The following ABHD2 variants were observed in gnomAD, a reference collection of about 807,000 sequenced individuals.
The protein encoded by ABHD2 is abhydrolase domain containing 2, acylglycerol lipase, also known as monoacylglycerol lipase ABHD2.
Under a neutral mutation model 48.1 loss-of-function variants are expected in ABHD2, and 20 were observed. The ratio of observed to expected loss-of-function variants is 0.42; its 90% CI spans 0.29 to 0.60. The LOEUF is 0.60. Ranked by LOEUF, ABHD2 falls within the 20% of genes least tolerant of loss-of-function variation. The pLI is 0.24. For missense variants in ABHD2, 405 were observed against 550.9 expected, an observed-to-expected ratio of 0.74 and a Z score of 2.65; for synonymous variants, 209 against 214.2, an observed-to-expected ratio of 0.98 and a Z score of 0.21.
In ABHD2 at chr15:89,196,667, A is replaced by C. The variant is rs2051408426; in HGVS notation, c.*1244A>C. The C allele has an allele frequency of 3.3e-5, 5 of 152,196 alleles. No individual in the cohort carries two copies. The South Asian group carries it at 1.0e-3, about 32-fold the overall frequency. 9.4% of individuals were successfully genotyped at this position (152,196 alleles called of 1,614,324 possible). ...TAGTTTTTAAACCCAAGTCCCTCTA[A>C]CTTTGCCTTTGATACCAAACAATTC... On this transcript the variant is annotated 3_prime_UTR_variant, in exon 11 of 11. Transcript: ENST00000352732.
intron 5 of ABHD2, among the ~76,000 whole-genome samples, chr15:89,171,346 G>C (rs1024313313): frequency 6.6e-6 from 1 of 152,132 alleles, no homozygotes; most frequent in Non-Finnish European, 1.5e-5. Flanking sequence ...CCAAGAATGT[G>C]CATTTGAACC....
chr15:89,052,509 G>A, the ABHD2 span, among the ~76,000 whole-genome samples: 27 of 150,702 alleles, frequency 1.8e-4, no homozygotes, highest in African/African-American at 6.4e-4. Context: ...AAAAAGGAGG[G>A]TTTGGACCCA....
chr15:89,165,471 T>C (rs568342806), intron 5 of ABHD2, among the ~76,000 whole-genome samples: 5 of 152,174 alleles, frequency 3.3e-5, no homozygotes, highest in South Asian at 4.1e-4. Context: ...TTTCTTATTG[T>C]GCCAAGCGAG....
rs12592830 is a variant in ABHD2, at chr15:89,117,921, A to G, written c.194+1400A>G. On this transcript the variant is annotated intron_variant, in intron 3 of 10. Coordinates refer to ENST00000352732, the MANE Select transcript of ABHD2 (RefSeq NM_152924.5). ...CTTATGCAGTTTTCTCATAGTTGTG[A>G]CAGTGATGTCATGACCCCAAGTCAA... 2.7e-3 allele frequency among the ~76,000 whole-genome samples: 415 copies of G among 152,264 alleles called. 2 individuals carry two copies. The highest frequency in any genetic ancestry group is 0.015 in the East Asian group (77 of 5,170).
chr15:89,183,384 A>ATATATATATATAT (rs1555433649), intron 6 of ABHD2: 2 of 46,268 alleles, frequency 4.3e-5, no homozygotes, highest in Non-Finnish European at 8.5e-5. Flanking sequence ...AAAAAAAAAA[A>ATATATATATATAT]ATATATATAT....
intron 5 of ABHD2, among the ~76,000 whole-genome samples, chr15:89,160,317 G>T (rs561817617): frequency 1.3e-5 from 2 of 152,130 alleles, no homozygotes; most frequent in Non-Finnish European, 2.9e-5. Flanking sequence ...AAGTGTGTTA[G>T]TTGTTGATGT....
Position 89,168,672 on chromosome 15 carries a change from C to T in ABHD2, c.539-7140C>T, listed in dbSNP as rs2050873387. Among the ~76,000 whole-genome samples the T allele has an allele frequency of 6.6e-6, 1 of 152,236 alleles. No individual in the cohort carries two copies. Among genetic ancestry groups the T allele is most frequent in the South Asian group, 2.1e-4 (1 of 4,832 alleles). On this transcript the variant is annotated intron_variant, in intron 5 of 10. Transcript: ENST00000352732. The surrounding 1 kb of genome is among the most constrained non-coding windows in gnomAD (Gnocchi z 4.8). ...TACACAATTAGCTGTAATTGCTCCT[C>T]AGTAGTGTAGCAAATCTGAGTTTTG...
intron 3 of ABHD2, among the ~76,000 whole-genome samples, chr15:89,139,166 G>A (rs2050364294): frequency 6.6e-6 from 1 of 152,154 alleles, no homozygotes; most frequent in South Asian, 2.1e-4. Flanking sequence ...AGCCGTAGTT[G>A]TACCACTGCA....
chr15:89,195,096 A>T lies in ABHD2; in HGVS notation c.1082-131A>T. 1.1e-6 allele frequency: 1 copy of T among 948,862 alleles called. No homozygotes were observed. Among genetic ancestry groups the T allele is most frequent in the East Asian group, 2.5e-5 (1 of 40,374 alleles). The allele number at this position is 948,862 out of a possible 1,614,324, so 58.8% of individuals were successfully genotyped here. On this transcript the variant is annotated intron_variant, in intron 10 of 10. Transcript: ENST00000352732. The surrounding 1 kb of genome is among the most constrained non-coding windows in gnomAD (Gnocchi z 5.1). ...CCTCTTTGGTGAACAAGGCAGAGTG[A>T]GTAGAGGTTGGATGCCCACTTAGGT... is the stretch of plus-strand genomic sequence containing the variant.
rs1210725889 is a variant in ABHD2, at chr15:89,176,389, TCCCTCCTTCC to T, written c.722+395_722+404del. ...GAAAGCTGGGCCTTGGGATCCCAGATCCCTCCTTCCTGCAAGAGATGAGTCCCAGATGGCA... is the reference window on the plus strand; with the variant it reads ...GAAAGCTGGGCCTTGGGATCCCAGATTGCAAGAGATGAGTCCCAGATGGCA... On this transcript the variant is annotated intron_variant, in intron 6 of 10. Coordinates refer to ENST00000352732, the MANE Select transcript of ABHD2 (RefSeq NM_152924.5). This position sits in a 1 kb window ranked among gnomAD's most constrained non-coding sequence, Gnocchi z 4.5. Among the ~76,000 whole-genome samples the T allele has an allele frequency of 4.6e-5, 7 of 152,158 alleles. No individual in the cohort carries two copies. The highest frequency in any genetic ancestry group is 8.8e-5 in the Non-Finnish European group (6 of 68,036).
rs953676258 is a variant in ABHD2, at chr15:89,120,440, A to T, written c.194+3919A>T. Among the ~76,000 whole-genome samples, 5 of 152,170 alleles carry T rather than the reference A, an allele frequency of 3.3e-5. No homozygotes were observed. Among genetic ancestry groups the T allele is most frequent in the African/African-American group, 1.2e-4 (5 of 41,432 alleles). On this transcript the variant is annotated intron_variant, in intron 3 of 10. Coordinates refer to ENST00000352732, the MANE Select transcript of ABHD2 (RefSeq NM_152924.5). The surrounding 1 kb of genome is among the most constrained non-coding windows in gnomAD (Gnocchi z 4.2). The stretch of plus-strand genomic sequence containing the variant: ...TGCATATTCATTTTTTTAAATGGAA[A>T]AGGTAGAGCACACAAAAATTATCTA...
Position 89,197,430 on chromosome 15 carries a change from ACTACAGCTGTGAT to A in ABHD2, c.*2011_*2023del, listed in dbSNP as rs1211704731. The A allele has an allele frequency of 1.3e-5, 2 of 152,512 alleles. No homozygotes were observed. Among genetic ancestry groups the A allele is most frequent in the Admixed American group, 1.3e-4 (2 of 15,262 alleles). The allele number at this position is 152,512 out of a possible 1,614,324, so 9.4% of individuals were successfully genotyped here. The stretch of plus-strand genomic sequence containing the variant: ...CCTCTGTTACTTTTCCCTTCACCCA[ACTACAGCTGTGAT>A]CTAGAACATTCATAGTCATATTTCT... On this transcript the variant is annotated 3_prime_UTR_variant, in exon 11 of 11. Coordinates refer to ENST00000352732, the MANE Select transcript of ABHD2 (RefSeq NM_152924.5). The surrounding 1 kb of genome is among the most constrained non-coding windows in gnomAD (Gnocchi z 4.4).
intron 5 of ABHD2, among the ~76,000 whole-genome samples, chr15:89,170,875 T>C (rs1044690372): frequency 6.6e-6 from 1 of 152,114 alleles, no homozygotes; most frequent in Non-Finnish European, 1.5e-5. Flanking sequence ...CCCAGCACTT[T>C]GGGAGGCCGA....
At chr15:89,194,799 C>T (rs994447280) in intron 10 of ABHD2, among the ~76,000 whole-genome samples, 4 of 152,140 alleles carry the variant, frequency 2.6e-5, no homozygotes, top group African/African-American at 9.7e-5. Context: ...AGTTAGGAAA[C>T]ACATTGAATC....
At chr15:89,098,450 ACACCCTGTGCCC>A (rs1323773478) in intron 1 of ABHD2, among the ~76,000 whole-genome samples, 1 of 152,104 alleles carries the variant, frequency 6.6e-6, no homozygotes, top group Non-Finnish European at 1.5e-5. Context: ...TGGGGCCTGA[ACACCCTGTGCCC>A]CACTATGGGC....
At position 89,161,040 on chromosome 15, in the gene ABHD2, A is replaced by G. The variant is rs1356861257; in HGVS notation, c.538+5506A>G. Among the ~76,000 whole-genome samples, 4 of 152,150 alleles carry G rather than the reference A, an allele frequency of 2.6e-5. No individual in the cohort carries two copies. In the East Asian group the frequency reaches 7.7e-4, roughly 29 times the overall value. On this transcript the variant is annotated intron_variant, in intron 5 of 10. Transcript: ENST00000352732. Reference sequence around the variant, plus strand: ...TTCAAGTCTTCCTTTATTTCTACCTAAAAGAACTCCTAGTTCTCTTTGTGT... The same window carrying G: ...TTCAAGTCTTCCTTTATTTCTACCTGAAAGAACTCCTAGTTCTCTTTGTGT...
rs74338060 is a variant in ABHD2, at chr15:89,094,256, T to C, written c.-107+5693T>C. The C allele has an allele frequency of 0.062, 9,429 of 152,264 alleles. 959 individuals are homozygous for C. Among genetic ancestry groups the C allele is most frequent in the African/African-American group, 0.21 (8,717 of 41,486 alleles). 9.4% of individuals were successfully genotyped at this position (152,264 alleles called of 1,614,324 possible). On this transcript the variant is annotated intron_variant, in intron 1 of 10. Coordinates refer to ENST00000352732, the MANE Select transcript of ABHD2 (RefSeq NM_152924.5). This position sits in a 1 kb window ranked among gnomAD's most constrained non-coding sequence, Gnocchi z 4.7. ...TTTCCTGCCTCAGCCTCTCATTTTA[T>C]CTTGGATAAAAGAGAAGCTTTGAAA...
intron 6 of ABHD2, among the ~76,000 whole-genome samples, chr15:89,181,100 C>T (rs553160264): frequency 1.9e-4 from 29 of 151,816 alleles, no homozygotes; most frequent in South Asian, 1.0e-3. Flanking sequence ...GTGGCGCGCA[C>T]CTGTAATCCC....
chr15:89,098,992 G>C (rs973614139), intron 1 of ABHD2, among the ~76,000 whole-genome samples: 1 of 152,206 alleles, frequency 6.6e-6, no homozygotes, highest in African/African-American at 2.4e-5. Context: ...TTATAAGATG[G>C]ATGGGTGCCT....
Sources: allele counts gnomAD v4.1 joint callset (sites outside exome capture counted in the v4.1 genomes callset), GRCh38; gene constraint gnomAD v4.1.1; non-coding constraint Gnocchi (gnomAD v3.1); transcripts MANE v1.5; gene names NCBI Gene and HGNC (gene_info 2026-07-23, HGNC 2026-07-21).